AKR1C2: variants seen among roughly 807,000 people sequenced by gnomAD.
AKR1C2 encodes the protein aldo-keto reductase family 1 member C2, also known as 3-alpha-HSD3.
Under a neutral mutation model 39.8 loss-of-function variants are expected in AKR1C2, and 27 were observed. The ratio of observed to expected loss-of-function variants is 0.68; its 90% CI spans 0.50 to 0.93. AKR1C2 has a LOEUF of 0.93. AKR1C2 is among the 40% of genes least tolerant of loss of function. The pLI is 0.00. For missense variants in AKR1C2, 263 were observed against 365.1 expected, an observed-to-expected ratio of 0.72 and a Z score of 2.28; for synonymous variants, 114 against 137.9, an observed-to-expected ratio of 0.83 and a Z score of 1.22.
intron 3 of AKR1C2, chr10:4,999,563 A>C: frequency 3.1e-6 from 1 of 323,846 alleles, no homozygotes; most frequent in Non-Finnish European, 5.9e-6. Flanking sequence ...TGCTCCTATA[A>C]TTTTCTCTGT....
At chr10:5,003,086 T>C (rs1774236523) in intron 1 of AKR1C2, among the ~76,000 whole-genome samples, 2 of 152,164 alleles carry the variant, frequency 1.3e-5, no homozygotes, top group Non-Finnish European at 2.9e-5. Context: ...GAAAATAAAA[T>C]ATATTCCATT....
Position 4,999,334 on chromosome 10 carries a change from C to T in AKR1C2, c.370-57G>A, listed in dbSNP as rs1837175922. On this transcript the variant is annotated intron_variant, in intron 3 of 8. Coordinates refer to ENST00000380753, the MANE Select transcript of AKR1C2 (RefSeq NM_001393392.1). ...ACAAGTCAATTTCTCCACACATAGC[C>T]ATGCTCTGAGGTACATTTAAGGACA... is the stretch of plus-strand genomic sequence containing the variant. 3.8e-6 allele frequency: 6 copies of T among 1,577,530 alleles called. No individual in the cohort carries two copies. The South Asian group carries it at 5.9e-5, about 16-fold the overall frequency.
chr10:5,016,857 C>T (rs1275074293), intron 1 of AKR1C2, among the ~76,000 whole-genome samples: 1 of 152,200 alleles, frequency 6.6e-6, no homozygotes, highest in African/African-American at 2.4e-5. Flanking sequence ...AGGCAGAGGC[C>T]CCCAAGCCTC....
At chr10:4,991,593 A>G (rs1292961014) in intron 8 of AKR1C2, among the ~76,000 whole-genome samples, 2 of 151,752 alleles carry the variant, frequency 1.3e-5, no homozygotes, top group Non-Finnish European at 2.9e-5. Flanking sequence ...GCTGCTCTGG[A>G]AAGTTCCTTG....
upstream of AKR1C2, among the ~76,000 whole-genome samples, chr10:5,005,549 G>A (rs1192547391): frequency 6.6e-6 from 1 of 151,886 alleles, no homozygotes; most frequent in African/African-American, 2.4e-5. Context: ...TGGACGTGGT[G>A]GTGAGCACCT....
chr10:5,012,578 T>A (rs1418114787), intron 1 of AKR1C2, among the ~76,000 whole-genome samples: 3 of 151,660 alleles, frequency 2.0e-5, no homozygotes, highest in Non-Finnish European at 2.9e-5. Flanking sequence ...AGGAACACAT[T>A]CTCTGGAACC....
chr10:4,998,568 A>G, intron 5 of AKR1C2, 57 bp downstream of exon 5: 5 of 1,603,918 alleles, frequency 3.1e-6, no homozygotes, highest in Non-Finnish European at 4.3e-6. Context: ...ATACTTGGCA[A>G]TAGGACAGAA....
chr10:5,016,126 G>T (rs1223864615), intron 1 of AKR1C2, among the ~76,000 whole-genome samples: 1 of 152,072 alleles, frequency 6.6e-6, no homozygotes, highest in Non-Finnish European at 1.5e-5. Flanking sequence ...GGGACACAGA[G>T]CCAAACCATA....
At chr10:4,992,238 G>A (rs535198668) in intron 7 of AKR1C2, among the ~76,000 whole-genome samples, 2 of 151,844 alleles carry the variant, frequency 1.3e-5, no homozygotes, top group South Asian at 4.2e-4. Context: ...CAAGAATCTA[G>A]AGGCAAATTT....
chr10:4,998,546 C>T (rs1268374380), intron 5 of AKR1C2, 79 bp downstream of exon 5: 2 of 1,584,250 alleles, frequency 1.3e-6, no homozygotes, highest in African/African-American at 1.4e-5. Flanking sequence ...ATAAGTGGGA[C>T]TAAATGAATG....
intron 7 of AKR1C2, among the ~76,000 whole-genome samples, chr10:4,992,332 C>T (rs1229615711): frequency 1.3e-4 from 20 of 151,994 alleles, no homozygotes; most frequent in Admixed American, 7.2e-4. Context: ...TAGGAAAAAT[C>T]AGTTTTCAAC....
At chr10:5,005,410 C>T (rs374904797), upstream of AKR1C2, among the ~76,000 whole-genome samples, 8 of 152,104 alleles carry the variant, frequency 5.3e-5, no homozygotes, top group African/African-American at 1.9e-4. Flanking sequence ...AGGCCAGGCA[C>T]GGTGGTTCAC....
rs1443850267 is a variant in AKR1C2, at chr10:4,988,045, G to A, written c.*1951C>T. On this transcript the variant is annotated 3_prime_UTR_variant, in exon 9 of 9. Coordinates refer to ENST00000380753, the MANE Select transcript of AKR1C2 (RefSeq NM_001393392.1). Reference sequence around the variant, plus strand: ...CAATAAGAGTTTTATAAAAATGGATGGTGAAGAACTGGAAAAAGCCCACAG... The same window carrying A: ...CAATAAGAGTTTTATAAAAATGGATAGTGAAGAACTGGAAAAAGCCCACAG... 1 of 151,762 alleles carries A rather than the reference G, an allele frequency of 6.6e-6. No individual in the cohort carries two copies. The highest frequency in any genetic ancestry group is 1.5e-5 in the Non-Finnish European group (1 of 67,958). 9.4% of individuals were successfully genotyped at this position (151,762 alleles called of 1,614,324 possible). A position where few individuals can be genotyped will look rare whatever the true frequency, so the allele number is the denominator to read the frequency against.
intron 1 of AKR1C2, chr10:5,013,166 C>A (rs1208475844): frequency 6.6e-6 from 1 of 152,064 alleles, no homozygotes; most frequent in African/African-American, 2.4e-5. Flanking sequence ...ATATAACAAA[C>A]CTGCATGTGC....
At chr10:4,994,079 A>G (rs1352561254) in intron 7 of AKR1C2, among the ~76,000 whole-genome samples, 1 of 151,564 alleles carries the variant, frequency 6.6e-6, no homozygotes, top group Non-Finnish European at 1.5e-5. Flanking sequence ...TTAATGTTTT[A>G]GTAAATAGTG....
intron 3 of AKR1C2, 52 bp from the exon 4 acceptor site, chr10:4,999,329 A>G (rs1247784011): frequency 1.3e-6 from 2 of 1,563,536 alleles, no homozygotes; most frequent in East Asian, 4.5e-5. Context: ...TTCTCCACAC[A>G]TAGCCATGCT....
At chr10:5,003,862 G>T (rs782788059), upstream of AKR1C2, 3 of 1,613,078 alleles carry the variant, frequency 1.9e-6, no homozygotes, top group African/African-American at 2.7e-5. Context: ...GTTAGCAAAT[G>T]TTTCTTCCTC....
In AKR1C2 at chr10:4,995,837, C is replaced by G. The variant is rs1554772978; in HGVS notation, c.599G>C (p.Arg200Thr). Residue 200 changes from arginine (R) to threonine (T), a missense_variant, in exon 6 of 9, where the codon AGA becomes ACA. By Grantham distance (71) the Arg-to-Thr change is moderately conservative (BLOSUM62 -1). Transcript: ENST00000380753. ...QVECHPYFNQ[R>T]KLLDFCKSKD... ...TGACTTGCAGAAATCCAGCAGTTTT[C>G]TCTGGTTGAAGTAAGGATGACATTC... 1 of 1,612,262 alleles carries G rather than the reference C, an allele frequency of 6.2e-7. No homozygotes were observed.
Position 4,995,660 on chromosome 10 carries a change from A to G in AKR1C2, c.680+96T>C, listed in dbSNP as rs549527361. ...AAATGCAAATTCTTCCCTCACCCCA[A>G]GTCAGCTGTGAGTGAACTCCAGGAA... On this transcript the variant is annotated intron_variant, in intron 6 of 8. Transcript: ENST00000380753. The G allele has an allele frequency of 9.0e-5, 125 of 1,384,602 alleles. 1 individual carries two copies. The highest frequency in any genetic ancestry group is 5.8e-5 in the Non-Finnish European group (59 of 1,019,534). The allele number at this position is 1,384,602 out of a possible 1,614,324, so 85.8% of individuals were successfully genotyped here.
Sources: allele counts gnomAD v4.1 joint callset (sites outside exome capture counted in the v4.1 genomes callset), GRCh38; gene constraint gnomAD v4.1.1; transcripts MANE v1.5; gene names NCBI Gene and HGNC (gene_info 2026-07-23, HGNC 2026-07-21).